PRKDC: variants seen among roughly 807,000 people sequenced by gnomAD.
PRKDC encodes the protein protein kinase, DNA-activated, catalytic subunit.
A neutral mutation model predicts 486.9 loss-of-function variants in PRKDC; 82 were observed. The observed-to-expected ratio is 0.17, with a 90% CI of 0.14 to 0.20. The LOEUF is 0.20. PRKDC is among the 10% of genes least tolerant of loss of function. PRKDC has a pLI of 1.00. For synonymous variants in PRKDC, 1,895 were observed against 1,837.0 expected (o/e 1.03, Z -0.81); for missense variants, 4,504 against 5,038.2 (o/e 0.89, Z 3.21).
chr8:47,887,911 A>G (rs1386592352), intron 34 of PRKDC, among the ~76,000 whole-genome samples: 2 of 152,202 alleles, frequency 1.3e-5, no homozygotes, highest in African/African-American at 2.4e-5. Context: ...GCTGGAGTGC[A>G]GTGACACAAT....
At chr8:47,898,390 C>A in intron 29 of PRKDC, 80 bp downstream of exon 29, 1 of 1,135,498 alleles carries the variant, frequency 8.8e-7, no homozygotes, top group Non-Finnish European at 1.3e-6. Context: ...TTCCACAGAT[C>A]CATCCCAGGT....
chr8:47,929,999 C>G lies in PRKDC; in HGVS notation c.1906G>C (p.Glu636Gln). Reference sequence around the variant, plus strand: ...GGTTCAAAAAATTCTGCTTGTTTCTCAGGGAGAATCTCTCTGTAAAAACAA... The same window carrying G: ...GGTTCAAAAAATTCTGCTTGTTTCTGAGGGAGAATCTCTCTGTAAAAACAA... The part of the protein sequence containing the change: ...LVEFCREILP[E>Q]KQAEFFEPWV... The change falls in exon 18 of 86, where the codon GAG becomes CAG. Residue 636 changes from glutamate (E) to glutamine (Q), a missense_variant. Physicochemically the swap from Glu to Gln is conservative, Grantham distance 29 (BLOSUM62 2). Around this residue, in one of 6 missense-constraint regions of PRKDC, gnomAD observed 1,969 missense variants for 2,068.9 expected, o/e 0.95. Transcript: ENST00000314191. The G allele has an allele frequency of 6.3e-7, 1 of 1,599,282 alleles. No homozygotes were observed. Among genetic ancestry groups the G allele is most frequent in the Non-Finnish European group, 8.5e-7 (1 of 1,175,854 alleles).
intron 44 of PRKDC, among the ~76,000 whole-genome samples, chr8:47,861,623 C>T (rs1266112289): frequency 6.6e-6 from 1 of 152,208 alleles, no homozygotes; most frequent in Non-Finnish European, 1.5e-5. Flanking sequence ...ACCAACTGCC[C>T]AACTGCTGAG....
In PRKDC at chr8:47,799,225, C is replaced by T; in HGVS notation, c.10282G>A (p.Glu3428Lys). 1 of 1,613,912 alleles carries T rather than the reference C, an allele frequency of 6.2e-7. No homozygotes were observed. The highest frequency in any genetic ancestry group is 1.3e-5 in the African/African-American group (1 of 75,048). The change falls in exon 72 of 86, where the codon GAA (glutamate) becomes AAA (lysine). Residue 3428 changes from glutamate (E) to lysine (K), a missense_variant. Glu to Lys is a moderately conservative substitution (Grantham distance 56). This residue lies in a region of PRKDC where 706 missense variants were observed against 945.0 expected (regional missense o/e 0.75). Coordinates refer to ENST00000314191, the MANE Select transcript of PRKDC (RefSeq NM_006904.7). ...DFCDQQLRKE[E>K]ENASVIDSAE... ...TTCAATTCACCTGATGCATTCTCTT[C>T]CTCCTTGCGCAGCTGTTGGTCACAG... is the stretch of plus-strand genomic sequence containing the variant.
Position 47,817,489 on chromosome 8 carries a change from AT to A in PRKDC, c.9517del (p.Met3173TrpfsTer4). On this transcript the variant is annotated frameshift_variant, in exon 68 of 86. Transcript: ENST00000314191. LOFTEE classifies it high-confidence loss of function. ...TWTNRYPDAK[M>X]DPMNIWDDII... ...GTCATCCCAGATGTTCATTGGGTCCATTTTAGCATCTGGATATCTGTTTGTC... is the reference window on the plus strand; with the variant it reads ...GTCATCCCAGATGTTCATTGGGTCCATTTAGCATCTGGATATCTGTTTGTC... 6.2e-7 allele frequency: 1 copy of A among 1,608,016 alleles called. No homozygotes were observed.
At chr8:47,779,343 A>G (rs1051238230) in intron 80 of PRKDC, 4 of 361,006 alleles carry the variant, frequency 1.1e-5, no homozygotes, top group Non-Finnish European at 1.5e-5. Context: ...CAGGTACAAA[A>G]CCATCAGATC....
chr8:47,873,749 A>T (rs2089017164), intron 40 of PRKDC, among the ~76,000 whole-genome samples: 1 of 152,190 alleles, frequency 6.6e-6, no homozygotes, highest in African/African-American at 2.4e-5. Context: ...TGAAATAAGT[A>T]AGGCACAGAA....
intron 25 of PRKDC, among the ~76,000 whole-genome samples, chr8:47,910,656 T>C (rs981030079): frequency 3.3e-5 from 5 of 152,212 alleles, no homozygotes; most frequent in African/African-American, 4.8e-5. Context: ...AGATTATTCT[T>C]TTAAGTTCAA....
chr8:47,803,568 G>C, intron 69 of PRKDC, 88 bp from the exon 70 acceptor site: 1 of 1,195,882 alleles, frequency 8.4e-7, no homozygotes. Flanking sequence ...CCCTTTGCAC[G>C]ACACAATCCA....
intron 68 of PRKDC, among the ~76,000 whole-genome samples, chr8:47,811,399 C>T (rs563387574): frequency 6.6e-6 from 1 of 152,214 alleles, no homozygotes; most frequent in African/African-American, 2.4e-5. Context: ...ACCTGCATTA[C>T]AAGAACTGCT....
Position 47,860,922 on chromosome 8 carries a change from C to G in PRKDC, c.6035G>C (p.Arg2012Thr). 6.2e-7 allele frequency: 1 copy of G among 1,609,458 alleles called. No homozygotes were observed. Among genetic ancestry groups the G allele is most frequent in the Non-Finnish European group, 8.5e-7 (1 of 1,178,052 alleles). ...ACCTGAATCCCCATTTGCTGCTTCT[C>G]TGGCTTCTTTCCTAATTTCAATGTA... ...KKYIEIRKEAREAANGDSDGP... is the reference protein window; with the variant it reads ...KKYIEIRKEATEAANGDSDGP... Residue 2012 changes from arginine to threonine, a missense_variant, in exon 45 of 86, where the codon AGA (arginine) becomes ACA (threonine). Physicochemically the swap from Arg to Thr is moderately conservative, Grantham distance 71. Coordinates refer to ENST00000314191, the MANE Select transcript of PRKDC (RefSeq NM_006904.7).
At chr8:47,818,358 T>A (rs1288200147) in intron 67 of PRKDC, among the ~76,000 whole-genome samples, 1 of 151,840 alleles carries the variant, frequency 6.6e-6, no homozygotes, top group Non-Finnish European at 1.5e-5. Flanking sequence ...GGCGGGCGGA[T>A]CACGAGGTCA....
At chr8:47,799,453 TC>T (rs2087052942) in intron 71 of PRKDC, 63 bp from the exon 72 acceptor site, 11 of 1,402,918 alleles carry the variant, frequency 7.8e-6, no homozygotes, top group South Asian at 1.8e-5. Flanking sequence ...AACTCTGCTT[TC>T]CATTTGTGAC....
At chr8:47,949,654 G>T (rs2090595525) in intron 7 of PRKDC, among the ~76,000 whole-genome samples, 1 of 152,300 alleles carries the variant, frequency 6.6e-6, no homozygotes, top group East Asian at 1.9e-4. Flanking sequence ...TCACAGAGGG[G>T]AGTACAGAGG....
chr8:47,936,354 G>T lies in PRKDC; in HGVS notation c.1277C>A (p.Thr426Lys), dbSNP rs1249367393. The T allele has an allele frequency of 6.2e-7, 1 of 1,605,502 alleles. No homozygotes were observed. The highest frequency in any genetic ancestry group is 8.5e-7 in the Non-Finnish European group (1 of 1,175,370). The change falls in exon 12 of 86, where the codon ACA (threonine) becomes AAA (lysine). Residue 426 changes from threonine (T) to lysine (K), a missense_variant and splice_region_variant. Thr to Lys is a moderately conservative substitution (Grantham distance 78). This residue lies in a region of PRKDC where 1,969 missense variants were observed against 2,068.9 expected (regional missense o/e 0.95). Coordinates refer to ENST00000314191, the MANE Select transcript of PRKDC (RefSeq NM_006904.7). ...SVASVLLYLD[T>K]VPEVYTPVLE... is the part of the protein sequence containing the mutation. ...TTGTGCTCAGTTTAGTTCACTTACT[G>T]TGTCAAGGTACAGCAAGACGCTTGC... is the stretch of plus-strand genomic sequence containing the variant.
intron 28 of PRKDC, 137 bp downstream of exon 28, chr8:47,900,236 G>A (rs1296140292): frequency 6.1e-6 from 3 of 495,564 alleles, no homozygotes; most frequent in Non-Finnish European, 9.9e-6. Context: ...CACTGAAGGG[G>A]ATTCTCTTCA....
At chr8:47,911,205 G>A (rs1349715230) in intron 25 of PRKDC, among the ~76,000 whole-genome samples, 2 of 152,174 alleles carry the variant, frequency 1.3e-5, no homozygotes, top group East Asian at 3.9e-4. Context: ...GGTAGATGCT[G>A]GAGAGGAAGC....
chr8:47,817,541 G>T lies in PRKDC; in HGVS notation c.9466C>A (p.Pro3156Thr). Reference sequence around the variant, plus strand: ...CAGGTGTTCAGAAGTCTCTTAAGGGGAACTTGAGATGATAAATTGCCTAAA... The same window carrying T: ...CAGGTGTTCAGAAGTCTCTTAAGGGTAACTTGAGATGATAAATTGCCTAAA... ...SKQGNLSSQV[P>T]LKRLLNTWTN... Residue 3156 changes from proline (P) to threonine (T), a missense_variant, in exon 68 of 86, where the codon CCC becomes ACC. By Grantham distance (38) the Pro-to-Thr change is conservative (BLOSUM62 -1). This residue lies in a region of PRKDC where 1,592 missense variants were observed against 1,724.6 expected (regional missense o/e 0.92). Transcript: ENST00000314191. 1 of 1,601,582 alleles carries T rather than the reference G, an allele frequency of 6.2e-7. No homozygotes were observed. The highest frequency in any genetic ancestry group is 8.5e-7 in the Non-Finnish European group (1 of 1,172,744).
intron 34 of PRKDC, 25 bp from the exon 35 acceptor site, chr8:47,887,730 G>A (rs756798551): frequency 2.5e-6 from 4 of 1,571,986 alleles, no homozygotes; most frequent in Non-Finnish European, 1.7e-6. Flanking sequence ...ACACTGAAAT[G>A]CCTAGCAAAA....
Sources: allele counts gnomAD v4.1 joint callset (sites outside exome capture counted in the v4.1 genomes callset), GRCh38; gene constraint gnomAD v4.1.1; regional missense constraint gnomAD v4.1.1; transcripts MANE v1.5; gene names NCBI Gene and HGNC (gene_info 2026-07-23, HGNC 2026-07-21).